PPARA: variants seen among roughly 807,000 people sequenced by gnomAD.
PPARA encodes peroxisome proliferator activated receptor alpha, also known as peroxisome proliferator-activated receptor alpha.
Under a neutral mutation model 42.2 loss-of-function variants are expected in PPARA, and 22 were observed. That is an observed-to-expected ratio of 0.52 (90% confidence interval 0.37 to 0.74). The LOEUF is 0.74. Ranked by LOEUF, PPARA falls within the 30% of genes least tolerant of loss-of-function variation. The probability of loss-of-function intolerance (pLI) is 0.00; values close to 1 mark genes in which losing one functional copy is unlikely to be tolerated. For missense variants in PPARA, 465 were observed against 608.2 expected (o/e 0.76, Z 2.48); for synonymous variants, 242 against 239.3 (o/e 1.01, Z -0.10).
intron 4 of PPARA, among the ~76,000 whole-genome samples, chr22:46,210,916 T>G (rs890454765): frequency 2.0e-5 from 3 of 152,212 alleles, no homozygotes; most frequent in African/African-American, 7.2e-5. Context: ...TCACAGTGTT[T>G]GTTTTAGAGA....
intron 4 of PPARA, among the ~76,000 whole-genome samples, chr22:46,207,677 A>ATTATTAT (rs1555951376): frequency 3.2e-4 from 16 of 50,724 alleles, no homozygotes; most frequent in African/African-American, 1.3e-3. Context: ...TATTATTATT[A>ATTATTAT]TTTTTTTTTT....
rs987978067 is a variant in PPARA at position 46,160,416 on chromosome 22, C to T, written c.-127+8446C>T. On this transcript the variant is annotated intron_variant, in intron 2 of 8. Transcript: ENST00000407236. The surrounding 1 kb of genome is among the most constrained non-coding windows in gnomAD (Gnocchi z 4.5). ...GGTTCAAGCGATTCTCCTGCCTCAGCCTCCTACATAGCTGGTACTACAGGC... is the reference window on the plus strand; with the variant it reads ...GGTTCAAGCGATTCTCCTGCCTCAGTCTCCTACATAGCTGGTACTACAGGC... 1.2e-4 allele frequency among the ~76,000 whole-genome samples: 19 copies of T among 152,116 alleles called. No homozygotes were observed. The highest frequency in any genetic ancestry group is 2.4e-4 in the Non-Finnish European group (16 of 68,046).
intron 2 of PPARA, among the ~76,000 whole-genome samples, chr22:46,153,450 C>T (rs911106415): frequency 6.6e-5 from 10 of 151,938 alleles, no homozygotes; most frequent in African/African-American, 9.7e-5. Flanking sequence ...GTTACAGGTG[C>T]GAGCCACCGC....
At chr22:46,153,055 C>T (rs1026924466) in intron 2 of PPARA, among the ~76,000 whole-genome samples, 9 of 152,054 alleles carry the variant, frequency 5.9e-5, no homozygotes, top group African/African-American at 2.2e-4. Context: ...CACTGCACTG[C>T]AGCCTGGGCG....
At position 46,222,183 on chromosome 22, in the gene PPARA, TC is replaced by T; in HGVS notation, c.711+2174del. Among the ~76,000 whole-genome samples, 3 of 151,848 alleles carry T rather than the reference TC, an allele frequency of 2.0e-5. No individual in the cohort carries two copies. In the South Asian group the frequency reaches 6.2e-4, roughly 32 times the overall value. On this transcript the variant is annotated intron_variant, in intron 7 of 8. Transcript: ENST00000407236. This position sits in a 1 kb window ranked among gnomAD's most constrained non-coding sequence, Gnocchi z 5.9. ...CAGCCAAATTGCCCCTCATGGTTCG[TC>T]CCCCACATCCCCGCCTGCCTGGCCT...
rs59328365 is a variant in PPARA at position 46,208,917 on chromosome 22, CGTGT to C, written c.209-6241_209-6238del. 1.5e-3 allele frequency among the ~76,000 whole-genome samples: 219 copies of C among 148,712 alleles called. 1 individual carries two copies. The highest frequency in any genetic ancestry group is 3.2e-3 in the Middle Eastern group (1 of 310). On this transcript the variant is annotated intron_variant, in intron 4 of 8. Coordinates refer to ENST00000407236, the MANE Select transcript of PPARA (RefSeq NM_005036.6). ...TAGTATTCGTGTGTGTGTGTGTGTG[CGTGT>C]GTGTGTGTGTGTGTATCACATTTTC...
chr22:46,206,394 C>T lies in PPARA; in HGVS notation c.208+7803C>T, dbSNP rs564307265. Among the ~76,000 whole-genome samples the T allele has an allele frequency of 1.5e-3, 225 of 152,272 alleles. 1 individual carries two copies. Among genetic ancestry groups the T allele is most frequent in the African/African-American group, 4.9e-3 (202 of 41,550 alleles). ...CCTCCCAAAATGCTGGGATTATAGG[C>T]GTGAGCCACCGCACCCAGCCTAATT... On this transcript the variant is annotated intron_variant, in intron 4 of 8. Coordinates refer to ENST00000407236, the MANE Select transcript of PPARA (RefSeq NM_005036.6).
rs1221440721 is a variant in PPARA at position 46,238,432 on chromosome 22, T to C, written c.*3052T>C. The C allele has an allele frequency of 6.6e-6, 1 of 152,208 alleles. No individual in the cohort carries two copies. The highest frequency in any genetic ancestry group is 1.9e-4 in the East Asian group (1 of 5,202). The allele number at this position is 152,208 out of a possible 1,614,324, so 9.4% of individuals were successfully genotyped here. A position where few individuals can be genotyped will look rare whatever the true frequency, so the allele number is the denominator to read the frequency against. ...ACATCAGCCAAAAGAACAAAAGAGA[T>C]GTCAGGACAGATTCCAGGAGTGTCG... On this transcript the variant is annotated 3_prime_UTR_variant, in exon 9 of 9. Transcript: ENST00000407236. This position sits in a 1 kb window ranked among gnomAD's most constrained non-coding sequence, Gnocchi z 8.3.
chr22:46,160,299 T>C lies in PPARA; in HGVS notation c.-127+8329T>C, dbSNP rs909960345. On this transcript the variant is annotated intron_variant, in intron 2 of 8. Transcript: ENST00000407236. This position sits in a 1 kb window ranked among gnomAD's most constrained non-coding sequence, Gnocchi z 4.5. ...CAATATAAGAAATCTATATTGGTGT[T>C]CGTTTGTTTGTTTTTGAGATGGAGT... Among the ~76,000 whole-genome samples, 2 of 152,166 alleles carry C rather than the reference T, an allele frequency of 1.3e-5. No individual in the cohort carries two copies. Among genetic ancestry groups the C allele is most frequent in the Non-Finnish European group, 2.9e-5 (2 of 68,034 alleles).
Position 46,219,945 on chromosome 22 carries a change from C to T in PPARA, c.642C>T (p.Tyr214=). The change falls in exon 7 of 9, where the codon TAC becomes TAT. Residue 214 remains tyrosine (Y), a synonymous_variant. Coordinates refer to ENST00000407236, the MANE Select transcript of PPARA (RefSeq NM_005036.6). The surrounding 1 kb of genome is among the most constrained non-coding windows in gnomAD (Gnocchi z 4.8). ...TGGCCAAGAGAATCTACGAGGCCTA[C>T]TTGAAGAACTTCAACATGAACAAGG... ...KSLAKRIYEA[Y]LKNFNMNKVK... is the part of the protein sequence containing the mutation. 2 of 1,614,232 alleles carry T rather than the reference C, an allele frequency of 1.2e-6. No homozygotes were observed. The highest frequency in any genetic ancestry group is 1.1e-5 in the South Asian group (1 of 91,088).
intron 3 of PPARA, among the ~76,000 whole-genome samples, chr22:46,186,506 G>A (rs552937990): frequency 6.6e-6 from 1 of 152,278 alleles, no homozygotes; most frequent in African/African-American, 2.4e-5. Flanking sequence ...TAACGAGGGA[G>A]GAAGGAGCAG....
chr22:46,168,351 CAAAAAAAAAAAAAA>C lies in PPARA; in HGVS notation c.-126-8388_-126-8375del, dbSNP rs35345592. ...TGGACAACAGAGCGAGACTCCATCT[CAAAAAAAAAAAAAA>C]AAAAAAAAAAAAAGAAGAAAGCATA... On this transcript the variant is annotated intron_variant, in intron 2 of 8. Coordinates refer to ENST00000407236, the MANE Select transcript of PPARA (RefSeq NM_005036.6). 4.9e-4 allele frequency among the ~76,000 whole-genome samples: 7 copies of C among 14,384 alleles called. No individual in the cohort carries two copies. The East Asian group carries it at 0.012, about 24-fold the overall frequency. The allele number at this position is 14,384 out of a possible 152,430, so 9.4% of individuals were successfully genotyped here.
intron 2 of PPARA, among the ~76,000 whole-genome samples, chr22:46,174,939 T>C (rs2147222486): frequency 6.6e-6 from 1 of 151,344 alleles, no homozygotes; most frequent in African/African-American, 2.4e-5. Flanking sequence ...TGAGACAGAG[T>C]CTCATTCTGT....
At chr22:46,174,235 A>AAG (rs1928602663) in intron 2 of PPARA, among the ~76,000 whole-genome samples, 2 of 146,172 alleles carry the variant, frequency 1.4e-5, no homozygotes, top group African/African-American at 5.1e-5. Context: ...AGAAAGAGAG[A>AAG]GAGAAAGAAA....
At chr22:46,202,777 C>A (rs896752472) in intron 4 of PPARA, among the ~76,000 whole-genome samples, 1 of 149,410 alleles carries the variant, frequency 6.7e-6, no homozygotes, top group African/African-American at 2.4e-5. Context: ...GCAGGACAGT[C>A]GCTTGAATCC....
chr22:46,175,072 C>G (rs62225955), intron 2 of PPARA, among the ~76,000 whole-genome samples: 1 of 151,834 alleles, frequency 6.6e-6, no homozygotes, highest in African/African-American at 2.4e-5. Flanking sequence ...CCACACCTGG[C>G]TCGTTTTTAT....
chr22:46,157,085 G>C (rs1008701149), intron 2 of PPARA, among the ~76,000 whole-genome samples: 23 of 152,198 alleles, frequency 1.5e-4, no homozygotes, highest in African/African-American at 4.3e-4. Flanking sequence ...CCAGGACCCG[G>C]TGCTGCCTGC....
intron 2 of PPARA, chr22:46,164,803 G>A (rs1419074514): frequency 6.6e-6 from 1 of 152,128 alleles, no homozygotes; most frequent in African/African-American, 2.4e-5. Flanking sequence ...TATTATTTGG[G>A]TAATGCCTGA....
At chr22:46,209,456 G>GGCCA (rs1384311133) in intron 4 of PPARA, among the ~76,000 whole-genome samples, 6 of 140,266 alleles carry the variant, frequency 4.3e-5, no homozygotes, top group African/African-American at 1.7e-4. Context: ...ACATACATTA[G>GGCCA]GCCACTTGAA....
Sources: gnomAD v4.1 joint callset for allele counts (sites outside exome capture counted in the v4.1 genomes callset) on GRCh38, gnomAD v4.1.1 for gene constraint, Gnocchi (gnomAD v3.1) non-coding constraint, MANE v1.5 for transcripts, NCBI Gene and HGNC (gene_info 2026-07-23, HGNC 2026-07-21) for gene names.